The following PXDNL variants were observed in gnomAD, a reference collection of about 807,000 sequenced individuals.
The protein encoded by PXDNL is probable oxidoreductase PXDNL.
Under a neutral mutation model 150.8 loss-of-function variants are expected in PXDNL, and 145 were observed. That is an observed-to-expected ratio of 0.96 (90% confidence interval 0.84 to 1.10). The LOEUF is 1.10. PXDNL is among the 50% of genes least tolerant of loss of function. The pLI, the probability that PXDNL is intolerant of heterozygous loss-of-function variation, is 0.00. For missense variants in PXDNL, 2,087 were observed against 1,873.9 expected, an observed-to-expected ratio of 1.11 and a Z score of -2.10; for synonymous variants, 757 against 725.7, an observed-to-expected ratio of 1.04 and a Z score of -0.69.
chr8:51,348,804 C>T (rs1806245212), intron 19 of PXDNL, among the ~76,000 whole-genome samples: 2 of 152,120 alleles, frequency 1.3e-5, no homozygotes, highest in African/African-American at 4.8e-5. Flanking sequence ...ATTATATTAT[C>T]TTGTACAAAG....
rs74586616 is a variant in PXDNL at position 51,370,642 on chromosome 8, G to A, written c.3901+1231C>T. 2.4e-4 allele frequency among the ~76,000 whole-genome samples: 37 copies of A among 152,284 alleles called. No individual in the cohort carries two copies. The East Asian group carries it at 7.2e-3, about 29-fold the overall frequency. ...CATTGAGTCTGGCTCTGTCACCCAG[G>A]CTGGAGTGCAATGGCACAATCTGGG... On this transcript the variant is annotated intron_variant, in intron 19 of 22. Transcript: ENST00000356297.
chr8:51,367,433 G>A (rs1806955600), intron 19 of PXDNL, among the ~76,000 whole-genome samples: 1 of 152,188 alleles, frequency 6.6e-6, no homozygotes, highest in Admixed American at 6.5e-5. Context: ...ATTACCAATT[G>A]CTGGTGGGGA....
In PXDNL at chr8:51,411,420, A is replaced by C; in HGVS notation, c.1905-13T>G. On this transcript the variant is annotated splice_polypyrimidine_tract_variant and intron_variant, in intron 15 of 22. Coordinates refer to ENST00000356297, the MANE Select transcript of PXDNL (RefSeq NM_144651.5). ...GGTGTGAGGTTTTCTGCAAATGACAAAACACATGATTCTTTACAAGGCAAA... is the reference window on the plus strand; with the variant it reads ...GGTGTGAGGTTTTCTGCAAATGACACAACACATGATTCTTTACAAGGCAAA... 6.4e-7 allele frequency: 1 copy of C among 1,564,364 alleles called. No homozygotes were observed. The highest frequency in any genetic ancestry group is 1.2e-5 in the South Asian group (1 of 82,290).
rs1223488439 is a variant in PXDNL at position 51,408,640 on chromosome 8, T to C, written c.2984A>G (p.Asn995Ser). Reference sequence around the variant, plus strand: ...CTTCCTGGCTTCCTGGTAAACCGTGTTTCCCTCCCAGTGGGGGTTCAGGGC... The same window carrying C: ...CTTCCTGGCTTCCTGGTAAACCGTGCTTCCCTCCCAGTGGGGGTTCAGGGC... ...LSALNPHWEG[N>S]TVYQEARKIV... Residue 995 changes from asparagine to serine, a missense_variant, in exon 17 of 23, where the codon AAC (asparagine) becomes AGC (serine). Transcript: ENST00000356297. 1 of 1,607,474 alleles carries C rather than the reference T, an allele frequency of 6.2e-7. No homozygotes were observed. The highest frequency in any genetic ancestry group is 1.7e-5 in the Admixed American group (1 of 59,212).
At chr8:51,553,926 C>A (rs1812547583) in intron 4 of PXDNL, among the ~76,000 whole-genome samples, 1 of 151,808 alleles carries the variant, frequency 6.6e-6, no homozygotes, top group East Asian at 1.9e-4. Context: ...GTGTTCTAAG[C>A]CATAATGTGA....
At chr8:51,468,515 T>G (rs2130073249) in intron 8 of PXDNL, among the ~76,000 whole-genome samples, 1 of 152,040 alleles carries the variant, frequency 6.6e-6, no homozygotes, top group Non-Finnish European at 1.5e-5. Flanking sequence ...CTCTTATAAA[T>G]AGCATATAGC....
intron 2 of PXDNL, among the ~76,000 whole-genome samples, chr8:51,600,928 A>G (rs1226536259): frequency 7.3e-6 from 1 of 137,734 alleles, no homozygotes; most frequent in African/African-American, 2.9e-5. Context: ...TATAAATTAT[A>G]TAATTTATAT....
intron 1 of PXDNL, among the ~76,000 whole-genome samples, chr8:51,656,608 C>T (rs537228378): frequency 2.0e-5 from 3 of 152,232 alleles, no homozygotes; most frequent in African/African-American, 4.8e-5. Flanking sequence ...GATTCCAATA[C>T]AACAAGGAAG....
At chr8:51,799,852 C>T (rs1036843124) in intron 1 of PXDNL, among the ~76,000 whole-genome samples, 2 of 152,134 alleles carry the variant, frequency 1.3e-5, no homozygotes. Flanking sequence ...TTCTCCCTAC[C>T]CATGCCCAAC....
Position 51,336,245 on chromosome 8 carries a change from G to A in PXDNL, c.4146+3379C>T, listed in dbSNP as rs372953187. Among the ~76,000 whole-genome samples, 25 of 152,176 alleles carry A rather than the reference G, an allele frequency of 1.6e-4. 1 individual carries two copies. In the East Asian group the frequency reaches 3.7e-3, roughly 22 times the overall value. On this transcript the variant is annotated intron_variant, in intron 21 of 22. Coordinates refer to ENST00000356297, the MANE Select transcript of PXDNL (RefSeq NM_144651.5). The stretch of plus-strand genomic sequence containing the variant: ...TAATTTCACTTCCAGAAATATACAT[G>A]CCCTTTATCTCTATGCTGATTTTTC...
chr8:51,587,755 G>A (rs980326389), intron 3 of PXDNL, among the ~76,000 whole-genome samples: 1 of 152,070 alleles, frequency 6.6e-6, no homozygotes, highest in Non-Finnish European at 1.5e-5. Context: ...CAACATAACT[G>A]AGAGTCTTAA....
intron 17 of PXDNL, among the ~76,000 whole-genome samples, chr8:51,378,620 C>T (rs1427990312): frequency 6.6e-6 from 1 of 152,214 alleles, no homozygotes; most frequent in Non-Finnish European, 1.5e-5. Flanking sequence ...AATCTTGCTG[C>T]TGCTCACTCT....
chr8:51,324,626 T>A (rs1805428838), intron 21 of PXDNL, among the ~76,000 whole-genome samples: 1 of 152,228 alleles, frequency 6.6e-6, no homozygotes. Context: ...TTTTTGTCTA[T>A]GCTGTCTCTG....
At chr8:51,791,231 C>A (rs2037510447) in intron 1 of PXDNL, among the ~76,000 whole-genome samples, 1 of 152,208 alleles carries the variant, frequency 6.6e-6, no homozygotes, top group Non-Finnish European at 1.5e-5. Context: ...ACATTGCAGG[C>A]AAAGCCTAAG....
At chr8:51,327,327 A>G (rs888554863) in intron 21 of PXDNL, among the ~76,000 whole-genome samples, 2 of 152,216 alleles carry the variant, frequency 1.3e-5, no homozygotes, top group Non-Finnish European at 2.9e-5. Context: ...CTCTCATCAC[A>G]ACAACAAGAA....
chr8:51,690,991 T>A (rs1318887659), intron 1 of PXDNL, among the ~76,000 whole-genome samples: 1 of 152,338 alleles, frequency 6.6e-6, no homozygotes, highest in Non-Finnish European at 1.5e-5. Flanking sequence ...TCTGTTCATA[T>A]CCTTTGCCCA....
Position 51,689,194 on chromosome 8 carries a change from T to C in PXDNL, c.165-34434A>G, listed in dbSNP as rs144682479. ...CACACAGAGTCTTCTTGGGCATCTATTGAAGTGTGGGAGCTGCTCTGCAGC... is the reference window on the plus strand; with the variant it reads ...CACACAGAGTCTTCTTGGGCATCTACTGAAGTGTGGGAGCTGCTCTGCAGC... On this transcript the variant is annotated intron_variant, in intron 1 of 22. Coordinates refer to ENST00000356297, the MANE Select transcript of PXDNL (RefSeq NM_144651.5). Among the ~76,000 whole-genome samples the C allele has an allele frequency of 3.9e-4, 59 of 152,338 alleles. 1 individual carries two copies. The East Asian group carries it at 9.3e-3, about 24-fold the overall frequency.
chr8:51,507,260 G>A (rs1811316060), intron 4 of PXDNL, among the ~76,000 whole-genome samples: 1 of 152,148 alleles, frequency 6.6e-6, no homozygotes, highest in African/African-American at 2.4e-5. Flanking sequence ...ATAAAGAAAG[G>A]TTATACAAAG....
Position 51,654,701 on chromosome 8 carries a change from T to C in PXDNL, c.224A>G (p.Asn75Ser), listed in dbSNP as rs1385389786. 1 of 1,612,744 alleles carries C rather than the reference T, an allele frequency of 6.2e-7. No individual in the cohort carries two copies. The highest frequency in any genetic ancestry group is 8.5e-7 in the Non-Finnish European group (1 of 1,179,186). Reference protein sequence around the residue: ...IPGSAFKKLKNLNTLLLNNNH... With the variant: ...IPGSAFKKLKSLNTLLLNNNH... The stretch of plus-strand genomic sequence containing the variant: ...AATAAGTACTCACAGTGTGTTCAAA[T>C]TCTTGAGTTTCTTGAAGGCGCTCCC... Residue 75 changes from asparagine to serine, a missense_variant, in exon 2 of 23, where the codon AAT becomes AGT. Coordinates refer to ENST00000356297, the MANE Select transcript of PXDNL (RefSeq NM_144651.5).
Sources: gnomAD v4.1 joint callset for allele counts (sites outside exome capture counted in the v4.1 genomes callset) on GRCh38, gnomAD v4.1.1 for gene constraint, MANE v1.5 for transcripts, NCBI Gene and HGNC (gene_info 2026-07-23, HGNC 2026-07-21) for gene names.